The following ZNF704 variants were observed in gnomAD, a reference collection of about 807,000 sequenced individuals.
The protein encoded by ZNF704 is zinc finger protein 704.
ZNF704 carries 10 observed loss-of-function variants against 44.7 expected under a neutral mutation model. That is an observed-to-expected ratio of 0.22 (90% confidence interval 0.14 to 0.38). ZNF704 has a LOEUF of 0.38. Among genes scored for constraint, ZNF704 ranks in the 10% least tolerant of loss-of-function variants. The pLI is 1.00. For synonymous variants in ZNF704, 211 were observed against 207.6 expected (o/e 1.02, Z -0.14); for missense variants, 390 against 545.5 (o/e 0.71, Z 2.84).
intron 2 of ZNF704, among the ~76,000 whole-genome samples, chr8:80,818,915 C>T (rs1808219149): frequency 6.6e-6 from 1 of 152,058 alleles, no homozygotes; most frequent in Non-Finnish European, 1.5e-5. Context: ...AACTTGGTAG[C>T]AGTAAATGGA....
At chr8:80,869,374 C>T (rs1437827146) in intron 1 of ZNF704, among the ~76,000 whole-genome samples, 1 of 152,202 alleles carries the variant, frequency 6.6e-6, no homozygotes, top group Non-Finnish European at 1.5e-5. Context: ...GCCTTCAGCT[C>T]TTACTTCAAA....
At chr8:80,824,565 TAC>T (rs1245547317) in intron 1 of ZNF704, among the ~76,000 whole-genome samples, 1 of 151,976 alleles carries the variant, frequency 6.6e-6, no homozygotes, top group African/African-American at 2.4e-5. Context: ...ATTCAAGAAA[TAC>T]AGAGAACGCC....
At chr8:80,859,608 T>C (rs1395510299) in intron 1 of ZNF704, among the ~76,000 whole-genome samples, 1 of 152,384 alleles carries the variant, frequency 6.6e-6, no homozygotes, top group Admixed American at 6.5e-5. Flanking sequence ...TGTTTCTTAA[T>C]ACAAATATTT....
chr8:80,703,959 C>T (rs2131647397), intron 2 of ZNF704, among the ~76,000 whole-genome samples: 1 of 152,234 alleles, frequency 6.6e-6, no homozygotes, highest in African/African-American at 2.4e-5. Flanking sequence ...TTGTGGAAGA[C>T]AATTCCTCAA....
intron 4 of ZNF704, among the ~76,000 whole-genome samples, chr8:80,678,873 T>A (rs1818408688): frequency 6.6e-6 from 1 of 152,138 alleles, no homozygotes; most frequent in African/African-American, 2.4e-5. Context: ...CTGGTTGGAT[T>A]TGGCTAATGA....
At chr8:80,762,018 T>A (rs182594830) in intron 2 of ZNF704, among the ~76,000 whole-genome samples, 10 of 152,366 alleles carry the variant, frequency 6.6e-5, no homozygotes, top group African/African-American at 2.4e-4. Context: ...GACATCTTCA[T>A]TTACTGAGGA....
intron 2 of ZNF704, among the ~76,000 whole-genome samples, chr8:80,799,131 T>C (rs1807857466): frequency 6.6e-6 from 1 of 152,222 alleles, no homozygotes; most frequent in Non-Finnish European, 1.5e-5. Context: ...TTCTCAAAAC[T>C]GCCATCTTGG....
intron 2 of ZNF704, among the ~76,000 whole-genome samples, chr8:80,694,877 CA>C (rs1183203575): frequency 6.6e-6 from 1 of 152,148 alleles, no homozygotes; most frequent in Admixed American, 6.6e-5. Context: ...ATTCTTCTAT[CA>C]AAAGACAAAT....
At chr8:80,663,516 TG>T (rs1818134941) in intron 6 of ZNF704, among the ~76,000 whole-genome samples, 1 of 151,930 alleles carries the variant, frequency 6.6e-6, no homozygotes, top group African/African-American at 2.4e-5. Flanking sequence ...GCAGGGTTGG[TG>T]GGGGGCACAG....
intron 2 of ZNF704, among the ~76,000 whole-genome samples, chr8:80,698,957 T>C (rs1466381893): frequency 2.0e-5 from 3 of 152,150 alleles, no homozygotes; most frequent in South Asian, 4.1e-4. Flanking sequence ...AAGGGAGAGA[T>C]GTTTTACACC....
At chr8:80,862,955 C>A (rs186353375) in intron 1 of ZNF704, among the ~76,000 whole-genome samples, 1 of 151,120 alleles carries the variant, frequency 6.6e-6, no homozygotes, top group Non-Finnish European at 1.5e-5. Flanking sequence ...CTTCAAATGC[C>A]CCCCCTTTCC....
intron 1 of ZNF704, among the ~76,000 whole-genome samples, chr8:80,862,829 T>C (rs1809091045): frequency 6.8e-6 from 1 of 147,712 alleles, no homozygotes; most frequent in Admixed American, 6.7e-5. Context: ...ACTCAGCAGA[T>C]GGCTAAAAGC....
chr8:80,740,682 T>C (rs1806741663), intron 2 of ZNF704, among the ~76,000 whole-genome samples: 1 of 152,196 alleles, frequency 6.6e-6, no homozygotes, highest in South Asian at 2.1e-4. Flanking sequence ...TCATGGACCT[T>C]AAGGATGCCT....
At chr8:80,879,546 C>G (rs1454001684), upstream of ZNF704, among the ~76,000 whole-genome samples, 1 of 152,192 alleles carries the variant, frequency 6.6e-6, no homozygotes, top group Non-Finnish European at 1.5e-5. Context: ...TAAGCCAATT[C>G]TAGGTGCTGT....
chr8:80,793,978 A>T lies in ZNF704; in HGVS notation c.221+27396T>A, dbSNP rs565138100. On this transcript the variant is annotated intron_variant, in intron 2 of 8. Coordinates refer to ENST00000327835, the MANE Select transcript of ZNF704 (RefSeq NM_001033723.3). ...TCCAGTACAAATAGGGGGATGAAAGAATTCCAAATAACATGGCAAAGACAT... is the reference window on the plus strand; with the variant it reads ...TCCAGTACAAATAGGGGGATGAAAGTATTCCAAATAACATGGCAAAGACAT... Among the ~76,000 whole-genome samples, 20 of 152,342 alleles carry T rather than the reference A, an allele frequency of 1.3e-4. No homozygotes were observed. The South Asian group carries it at 3.9e-3, about 30-fold the overall frequency.
At position 80,707,143 on chromosome 8, in the gene ZNF704, C is replaced by T. The variant is rs186321940; in HGVS notation, c.222-14036G>A. On this transcript the variant is annotated intron_variant, in intron 2 of 8. Transcript: ENST00000327835. Reference sequence around the variant, plus strand: ...AACTTTCTAACAGTACTTGGCCAGTCAGCCAGGCCTGTGCTCTTCAGAGGC... The same window carrying T: ...AACTTTCTAACAGTACTTGGCCAGTTAGCCAGGCCTGTGCTCTTCAGAGGC... Among the ~76,000 whole-genome samples, 78 of 152,334 alleles carry T rather than the reference C, an allele frequency of 5.1e-4. No homozygotes were observed. In the East Asian group the frequency reaches 0.011, roughly 21 times the overall value.
intron 2 of ZNF704, among the ~76,000 whole-genome samples, chr8:80,712,449 A>C (rs72671915): frequency 6.6e-6 from 1 of 152,322 alleles, no homozygotes; most frequent in Non-Finnish European, 1.5e-5. Context: ...ATTGAAGGAA[A>C]CTTTCATAGA....
intron 2 of ZNF704, among the ~76,000 whole-genome samples, chr8:80,738,598 T>C (rs1806704747): frequency 6.6e-6 from 1 of 152,124 alleles, no homozygotes; most frequent in Non-Finnish European, 1.5e-5. Context: ...ACTGAACCTT[T>C]TAACCTTTGC....
chr8:80,687,892 G>A (rs144703465), intron 3 of ZNF704, among the ~76,000 whole-genome samples: 30 of 152,182 alleles, frequency 2.0e-4, no homozygotes, highest in African/African-American at 6.5e-4. Flanking sequence ...CAACCCCTCC[G>A]ATTTCAACAT....
Sources: gnomAD v4.1 joint callset for allele counts (sites outside exome capture counted in the v4.1 genomes callset) on GRCh38, gnomAD v4.1.1 for gene constraint, MANE v1.5 for transcripts, NCBI Gene and HGNC (gene_info 2026-07-23, HGNC 2026-07-21) for gene names.